Variants in FBN3 observed in about 807,000 individuals in gnomAD.
The protein encoded by FBN3 is fibrillin-3.
FBN3 carries 234 observed loss-of-function variants against 330.1 expected under a neutral mutation model. The observed-to-expected ratio is 0.71, with a 90% CI of 0.64 to 0.79. FBN3 has a LOEUF of 0.79. FBN3 is among the 30% of genes least tolerant of loss of function. FBN3 has a pLI of 0.00. For missense variants in FBN3, 3,606 were observed against 3,886.9 expected (o/e 0.93, Z 1.92); for synonymous variants, 1,458 against 1,517.3 (o/e 0.96, Z 0.91).
chr19:8,147,655 A>C, intron 1 of FBN3, 158 bp from the exon 2 acceptor site: 1 of 509,166 alleles, frequency 2.0e-6, no homozygotes, highest in Non-Finnish European at 3.3e-6. Context: ...AGCGGTGAAC[A>C]GTCAGAGGAG....
At chr19:8,108,069 C>G (rs2082487509) in intron 37 of FBN3, 101 bp downstream of exon 37, 2 of 980,806 alleles carry the variant, frequency 2.0e-6, no homozygotes, top group Admixed American at 4.9e-5. Context: ...CTGCCCCATC[C>G]CAGGACAAAA....
At chr19:8,074,375 GC>G (rs1469208895) in intron 61 of FBN3, among the ~76,000 whole-genome samples, 1 of 152,112 alleles carries the variant, frequency 6.6e-6, no homozygotes, top group African/African-American at 2.4e-5. Flanking sequence ...GGCAGAGAAG[GC>G]AGTGCCTGTG....
At chr19:8,076,149 C>T (rs1439036762) in intron 59 of FBN3, among the ~76,000 whole-genome samples, 4 of 151,984 alleles carry the variant, frequency 2.6e-5, no homozygotes, top group African/African-American at 4.8e-5. Context: ...CAGAACCAGC[C>T]GTGCTGCCAC....
At chr19:8,094,649 T>C in intron 46 of FBN3, 84 bp from the exon 47 acceptor site, 1 of 1,483,446 alleles carries the variant, frequency 6.7e-7, no homozygotes, top group Non-Finnish European at 9.1e-7. Context: ...CTGCAATCAC[T>C]GTGTGATCAC....
At chr19:8,135,098 C>T (rs140588219) in intron 13 of FBN3, among the ~76,000 whole-genome samples, 4,294 of 151,444 alleles carry the variant, frequency 0.028, 202 homozygotes, top group African/African-American at 0.097. Context: ...CCTGCCTCAG[C>T]CTCCTGAGTA....
intron 41 of FBN3, among the ~76,000 whole-genome samples, chr19:8,099,599 A>T (rs1040730950): frequency 4.6e-5 from 7 of 151,708 alleles, no homozygotes; most frequent in South Asian, 2.1e-4. Context: ...TGATTTTTTT[A>T]AAAAATAAGG....
At chr19:8,128,120 C>T (rs1017263091) in intron 18 of FBN3, among the ~76,000 whole-genome samples, 2 of 152,248 alleles carry the variant, frequency 1.3e-5, no homozygotes, top group African/African-American at 2.4e-5. Context: ...TCTCGGCATG[C>T]CGCCCTGCCA....
chr19:8,088,323 G>A, intron 51 of FBN3, 144 bp from the exon 52 acceptor site: 3 of 1,004,614 alleles, frequency 3.0e-6, no homozygotes, highest in Non-Finnish European at 4.3e-6. Flanking sequence ...CAGGCAAGCG[G>A]TATGTGTTTA....
rs1367899491 is a variant in FBN3 at position 8,131,833 on chromosome 19, C to T, written c.1715-4G>A. 6.3e-7 allele frequency: 1 copy of T among 1,579,946 alleles called. No individual in the cohort carries two copies. Among genetic ancestry groups the T allele is most frequent in the South Asian group, 1.1e-5 (1 of 87,516 alleles). ...GGCGTCTGGCACTCGTCAATGTCTG[C>T]AGAAGCAGTGGCGGCACGGGGATGG... On this transcript the variant is annotated splice_polypyrimidine_tract_variant and splice_region_variant and intron_variant, in intron 14 of 63. Coordinates refer to ENST00000600128, the MANE Select transcript of FBN3 (RefSeq NM_032447.5). The surrounding 1 kb of genome is among the most constrained non-coding windows in gnomAD (Gnocchi z 4.5).
Position 8,121,754 on chromosome 19 carries a change from TA to T in FBN3, c.3083-369del, listed in dbSNP as rs1255635555. Among the ~76,000 whole-genome samples, 5 of 152,162 alleles carry T rather than the reference TA, an allele frequency of 3.3e-5. No homozygotes were observed. The highest frequency in any genetic ancestry group is 4.8e-5 in the African/African-American group (2 of 41,526). ...ATTTTATTTTTATTACTTATTTATT[TA>T]TTTACTTTTTTAGAGACAGAGTCTT... On this transcript the variant is annotated intron_variant, in intron 24 of 63. Transcript: ENST00000600128. This position sits in a 1 kb window ranked among gnomAD's most constrained non-coding sequence, Gnocchi z 4.5.
At chr19:8,117,643 G>T in intron 26 of FBN3, 54 bp from the exon 27 acceptor site, 1 of 1,486,504 alleles carries the variant, frequency 6.7e-7, no homozygotes, top group South Asian at 1.4e-5. Context: ...CCGTCTGTGT[G>T]ACCATGAGAC....
intron 25 of FBN3, among the ~76,000 whole-genome samples, chr19:8,119,795 T>C (rs1353148183): frequency 1.4e-5 from 2 of 146,056 alleles, no homozygotes; most frequent in African/African-American, 2.5e-5. Flanking sequence ...ATTACAGGTA[T>C]GAGCCACCGA....
In FBN3 at chr19:8,111,058, C is replaced by T; in HGVS notation, c.4210G>A (p.Asp1404Asn). Residue 1404 changes from aspartate to asparagine, a missense_variant and splice_region_variant, in exon 33 of 64, where the codon GAT (aspartate) becomes AAT (asparagine). Transcript: ENST00000600128. ...DPTEDHRACQ[D>N]VDECAQGNLC... is the part of the protein sequence containing the mutation. Reference sequence around the variant, plus strand: ...TCTGCCCTGGCGGGCCCAACCTTACCCTGGCAGGCCCGGTGGTCCTCGGTG... The same window carrying T: ...TCTGCCCTGGCGGGCCCAACCTTACTCTGGCAGGCCCGGTGGTCCTCGGTG... 1 of 1,613,044 alleles carries T rather than the reference C, an allele frequency of 6.2e-7. No homozygotes were observed. Among genetic ancestry groups the T allele is most frequent in the South Asian group, 1.1e-5 (1 of 90,958 alleles).
At chr19:8,133,129 G>C in intron 13 of FBN3, 23 bp from the exon 14 acceptor site, 1 of 1,553,162 alleles carries the variant, frequency 6.4e-7, no homozygotes, top group Non-Finnish European at 8.7e-7. Flanking sequence ...GCAGAGGCTG[G>C]GTCCAGGCAG....
At chr19:8,072,966 C>CATGTGTGT (rs879200697) in intron 62 of FBN3, 97 bp downstream of exon 62, 8 of 643,270 alleles carry the variant, frequency 1.2e-5, no homozygotes. Flanking sequence ...CACAAAGCCC[C>CATGTGTGT]GTGTGTGTGT....
chr19:8,145,043 G>T, intron 5 of FBN3, 71 bp from the exon 6 acceptor site: 1 of 1,282,656 alleles, frequency 7.8e-7, no homozygotes, highest in Non-Finnish European at 1.1e-6. Flanking sequence ...CAGCAAGCCT[G>T]TCTTCACCCA....
intron 40 of FBN3, among the ~76,000 whole-genome samples, chr19:8,102,364 G>A (rs1446696582): frequency 4.6e-5 from 7 of 151,886 alleles, no homozygotes; most frequent in African/African-American, 1.2e-4. Context: ...ACGGGCCTGC[G>A]CCACCACACC....
At chr19:8,067,278 A>C (rs959934983) in intron 63 of FBN3, among the ~76,000 whole-genome samples, 42 of 151,910 alleles carry the variant, frequency 2.8e-4, no homozygotes, top group African/African-American at 9.9e-4. Context: ...GGTGCCTGCC[A>C]TCATGCCTGG....
intron 1 of FBN3, among the ~76,000 whole-genome samples, chr19:8,148,056 G>A (rs2083592368): frequency 6.6e-6 from 1 of 152,032 alleles, no homozygotes. Context: ...TAGCTGGGAC[G>A]GTGGAGCCCA....
Sources: allele counts gnomAD v4.1 joint callset (sites outside exome capture counted in the v4.1 genomes callset), GRCh38; gene constraint gnomAD v4.1.1; non-coding constraint Gnocchi (gnomAD v3.1); transcripts MANE v1.5; gene names NCBI Gene and HGNC (gene_info 2026-07-23, HGNC 2026-07-21).